The following GARS1 variants were observed in gnomAD, a reference collection of about 807,000 sequenced individuals.
The protein encoded by GARS1 is glycyl-tRNA synthetase 1.
Under a neutral mutation model 86.4 loss-of-function variants are expected in GARS1, and 46 were observed. The observed-to-expected ratio is 0.53, with a 90% CI of 0.42 to 0.68. The LOEUF is 0.68. GARS1 is among the 30% of genes least tolerant of loss of function. GARS1 has a pLI of 0.00. For missense variants in GARS1, 797 were observed against 915.6 expected (o/e 0.87, Z 1.67); for synonymous variants, 342 against 329.8 (o/e 1.04, Z -0.40).
chr7:30,622,775 A>G (rs748042089), intron 12 of GARS1: 5 of 372,850 alleles, frequency 1.3e-5, no homozygotes, highest in East Asian at 6.5e-5. Context: ...GAGGTTTAGA[A>G]TACTCTCTGT....
intron 7 of GARS1, among the ~76,000 whole-genome samples, chr7:30,610,537 A>G (rs1051716158): frequency 3.3e-5 from 5 of 152,192 alleles, no homozygotes; most frequent in Non-Finnish European, 5.9e-5. Flanking sequence ...AATTGTGACA[A>G]AATGTGTTGC....
intron 9 of GARS1, 64 bp from the exon 10 acceptor site, chr7:30,617,050 G>C: frequency 1.3e-6 from 2 of 1,536,866 alleles, no homozygotes; most frequent in Non-Finnish European, 1.8e-6. Flanking sequence ...CGATATCTTG[G>C]CTTTGAAGAG....
At position 30,632,583 on chromosome 7, in the gene GARS1, G is replaced by A; in HGVS notation, c.2094+146G>A. ...AACGGCTTGTATCAGACAGAGCCCA[G>A]ATTCTCAAGTCCCCCGGTTTAATTA... On this transcript the variant is annotated intron_variant, in intron 16 of 16. Coordinates refer to ENST00000389266, the MANE Select transcript of GARS1 (RefSeq NM_002047.4). The surrounding 1 kb of genome is among the most constrained non-coding windows in gnomAD (Gnocchi z 4.1). The A allele has an allele frequency of 1.3e-6, 1 of 784,110 alleles. No individual in the cohort carries two copies. Among genetic ancestry groups the A allele is most frequent in the Non-Finnish European group, 2.1e-6 (1 of 472,294 alleles). 48.6% of individuals were successfully genotyped at this position (784,110 alleles called of 1,614,324 possible).
chr7:30,623,213 A>G (rs1488471373), intron 12 of GARS1, among the ~76,000 whole-genome samples: 1 of 151,936 alleles, frequency 6.6e-6, no homozygotes, highest in Non-Finnish European at 1.5e-5. Context: ...AAAAATTATT[A>G]TATATATGAA....
At chr7:30,609,070 T>C (rs1299520593) in intron 6 of GARS1, among the ~76,000 whole-genome samples, 2 of 152,186 alleles carry the variant, frequency 1.3e-5, no homozygotes, top group Non-Finnish European at 2.9e-5. Context: ...AATGCTGAGG[T>C]GAATAAGATA....
At chr7:30,607,919 T>A (rs1791516004) in intron 6 of GARS1, among the ~76,000 whole-genome samples, 1 of 152,204 alleles carries the variant, frequency 6.6e-6, no homozygotes, top group Non-Finnish European at 1.5e-5. Context: ...CCCTCCTTTC[T>A]AGATAAATGG....
At chr7:30,616,646 T>C (rs1782895906) in intron 9 of GARS1, among the ~76,000 whole-genome samples, 1 of 152,220 alleles carries the variant, frequency 6.6e-6, no homozygotes, top group Admixed American at 6.5e-5. Context: ...GAGATGGGGC[T>C]AGATGTTTTC....
intron 12 of GARS1, among the ~76,000 whole-genome samples, chr7:30,625,456 A>G (rs1236329150): frequency 6.6e-6 from 1 of 152,226 alleles, no homozygotes; most frequent in Admixed American, 6.5e-5. Flanking sequence ...GTTATAACAT[A>G]TGCCAACTAT....
chr7:30,629,925 T>C (rs1210005848), intron 14 of GARS1, among the ~76,000 whole-genome samples: 1 of 152,268 alleles, frequency 6.6e-6, no homozygotes, highest in East Asian at 1.9e-4. Flanking sequence ...GAAAATCTTT[T>C]AGCTGTTCCT....
chr7:30,631,391 G>A (rs1783231796), intron 14 of GARS1, 57 bp from the exon 15 acceptor site: 1 of 1,352,102 alleles, frequency 7.4e-7, no homozygotes, highest in Non-Finnish European at 1.1e-6. Flanking sequence ...TGGGATATTA[G>A]CATTTAGATA....
intron 6 of GARS1, among the ~76,000 whole-genome samples, chr7:30,605,996 TC>T (rs1156637821): frequency 6.6e-6 from 1 of 152,160 alleles, no homozygotes; most frequent in Admixed American, 6.5e-5. Flanking sequence ...CCCTTTTCCC[TC>T]CCCGCATTTT....
At chr7:30,633,054 G>A (rs897231526) in intron 16 of GARS1, among the ~76,000 whole-genome samples, 1 of 152,188 alleles carries the variant, frequency 6.6e-6, no homozygotes, top group Non-Finnish European at 1.5e-5. Flanking sequence ...GAAAACAGAA[G>A]CAAAAGACTG....
At chr7:30,605,377 T>C (rs1200798730) in intron 6 of GARS1, among the ~76,000 whole-genome samples, 5 of 152,234 alleles carry the variant, frequency 3.3e-5, no homozygotes, top group Admixed American at 1.3e-4. Context: ...TTTAACTTGT[T>C]TATGAAAAAT....
intron 8 of GARS1, among the ~76,000 whole-genome samples, chr7:30,612,645 C>G (rs1478734615): frequency 2.6e-5 from 4 of 152,020 alleles, no homozygotes; most frequent in Non-Finnish European, 5.9e-5. Flanking sequence ...GAGGATTGTT[C>G]TAGATATCTA....
chr7:30,610,943 CA>C (rs1791587751), intron 7 of GARS1, among the ~76,000 whole-genome samples: 1 of 151,954 alleles, frequency 6.6e-6, no homozygotes, highest in Non-Finnish European at 1.5e-5. Flanking sequence ...ACTTTACTTA[CA>C]TTTGGATGAA....
At chr7:30,595,803 T>A (rs752858701) in intron 1 of GARS1, 9 of 471,214 alleles carry the variant, frequency 1.9e-5, no homozygotes, top group South Asian at 1.4e-4. Flanking sequence ...GCTCTTGTCA[T>A]CTTTTCTGGC....
intron 6 of GARS1, among the ~76,000 whole-genome samples, chr7:30,606,009 A>G (rs1245732222): frequency 6.6e-6 from 1 of 151,980 alleles, no homozygotes; most frequent in Non-Finnish European, 1.5e-5. Flanking sequence ...CCGCATTTTC[A>G]TTAAAATTTT....
At chr7:30,603,937 A>G (rs962610604) in intron 6 of GARS1, among the ~76,000 whole-genome samples, 3 of 152,144 alleles carry the variant, frequency 2.0e-5, no homozygotes, top group Admixed American at 6.5e-5. Context: ...CTCACTGGCT[A>G]CTTGATCTGC....
chr7:30,606,412 TTCATCCATTCTCCCACCCCTTG>T (rs1228747814), intron 6 of GARS1, among the ~76,000 whole-genome samples: 1 of 152,072 alleles, frequency 6.6e-6, no homozygotes, highest in Non-Finnish European at 1.5e-5. Flanking sequence ...GAATAAGTGC[TTCATCCATTCTCCCACCCCTTG>T]TCTTTTTAAA....
Sources: allele counts gnomAD v4.1 joint callset (sites outside exome capture counted in the v4.1 genomes callset), GRCh38; gene constraint gnomAD v4.1.1; non-coding constraint Gnocchi (gnomAD v3.1); transcripts MANE v1.5; gene names NCBI Gene and HGNC (gene_info 2026-07-23, HGNC 2026-07-21).